The following GPR146 variants were observed in gnomAD, a reference collection of about 807,000 sequenced individuals.
GPR146 encodes G protein-coupled receptor 146, also known as G-protein coupled receptor 146.
For synonymous variants in GPR146, 203 were observed against 104.3 expected, an observed-to-expected ratio of 1.95 and a Z score of -5.77; for missense variants, 381 against 213.9, an observed-to-expected ratio of 1.78 and a Z score of -4.87.
At chr7:1,054,435 C>T (rs1289391135) in intron 1 of GPR146, among the ~76,000 whole-genome samples, 1 of 152,246 alleles carries the variant, frequency 6.6e-6, no homozygotes, top group Non-Finnish European at 1.5e-5. Flanking sequence ...TGAACCCCAC[C>T]TGGAGGCCGG....
At chr7:1,057,390 G>T in intron 1 of GPR146, 102 bp from the exon 2 acceptor site, 1 of 604,866 alleles carries the variant, frequency 1.7e-6, no homozygotes. Context: ...GTGGTCTGCA[G>T]CGATTACTGC....
chr7:1,047,864 C>T (rs1370862991), intron 1 of GPR146, among the ~76,000 whole-genome samples: 1 of 152,202 alleles, frequency 6.6e-6, no homozygotes, highest in Non-Finnish European at 1.5e-5. Context: ...GGATCACTCG[C>T]CTTGGTGGAT....
chr7:1,052,109 T>G lies in GPR146; in HGVS notation c.-24-5383T>G, dbSNP rs931281706. Reference sequence around the variant, plus strand: ...CAGCTGAGGCCCAGGCAGGGCCAGCTCCTTCCACCTTCCCAGCCAAGATGC... The same window carrying G: ...CAGCTGAGGCCCAGGCAGGGCCAGCGCCTTCCACCTTCCCAGCCAAGATGC... On this transcript the variant is annotated intron_variant, in intron 1 of 1. Coordinates refer to ENST00000444847, the MANE Select transcript of GPR146 (RefSeq NM_001303473.2). The surrounding 1 kb of genome is among the most constrained non-coding windows in gnomAD (Gnocchi z 4.2). Among the ~76,000 whole-genome samples the G allele has an allele frequency of 6.6e-6, 1 of 152,234 alleles. No homozygotes were observed. Among genetic ancestry groups the G allele is most frequent in the Non-Finnish European group, 1.5e-5 (1 of 68,042 alleles).
chr7:1,058,768 C>T lies in GPR146; in HGVS notation c.*251C>T, dbSNP rs1047302. 0.26 allele frequency: 136,908 copies of T among 520,152 alleles called. 19,050 individuals are homozygous for T. The highest frequency in any genetic ancestry group is 0.29 in the African/African-American group (15,182 of 52,634). 32.2% of individuals were successfully genotyped at this position (520,152 alleles called of 1,614,324 possible). A position where few individuals can be genotyped will look rare whatever the true frequency, so the allele number is the denominator to read the frequency against. ...AAACACGCAGCTCAAGGTCCACATC[C>T]GCAAAAGCCTCCTCGCCTTCAGCCT... On this transcript the variant is annotated 3_prime_UTR_variant, in exon 2 of 2. Transcript: ENST00000444847.
intron 1 of GPR146, among the ~76,000 whole-genome samples, chr7:1,048,050 C>T (rs753121765): frequency 3.3e-5 from 5 of 151,906 alleles, no homozygotes; most frequent in Non-Finnish European, 7.4e-5. Context: ...CAAAGACTGG[C>T]GGAGGGGTGT....
At position 1,058,124 on chromosome 7, in the gene GPR146, C is replaced by A. The variant is rs961602958; in HGVS notation, c.609C>A (p.Thr203=). The A allele has an allele frequency of 1.3e-6, 1 of 755,256 alleles. No individual in the cohort carries two copies. Among genetic ancestry groups the A allele is most frequent in the Admixed American group, 1.7e-5 (1 of 57,472 alleles). The allele number at this position is 755,256 out of a possible 1,614,324, so 46.8% of individuals were successfully genotyped here. The change falls in exon 2 of 2, where the codon ACC becomes ACA. Residue 203 remains threonine, a synonymous_variant. Coordinates refer to ENST00000444847, the MANE Select transcript of GPR146 (RefSeq NM_001303473.2). ...FIGYVVPALA[T]LYALVLLSRV... Reference sequence around the variant, plus strand: ...GCTACGTGGTGCCAGCACTGGCCACCCTCTACGCGCTGGTGCTACTCTCCC... The same window carrying A: ...GCTACGTGGTGCCAGCACTGGCCACACTCTACGCGCTGGTGCTACTCTCCC...
chr7:1,059,032 G>A lies in GPR146; in HGVS notation c.*515G>A, dbSNP rs1178292755. ...GCCGGGTGTGCCGCAGTCACCACAG[G>A]GTTCTGAGAACATTTCACAGAAGTG... On this transcript the variant is annotated 3_prime_UTR_variant, in exon 2 of 2. Coordinates refer to ENST00000444847, the MANE Select transcript of GPR146 (RefSeq NM_001303473.2). The A allele has an allele frequency of 5.6e-6, 1 of 177,106 alleles. No homozygotes were observed. Among genetic ancestry groups the A allele is most frequent in the Non-Finnish European group, 1.4e-5 (1 of 73,408 alleles). The allele number at this position is 177,106 out of a possible 1,614,324, so 11.0% of individuals were successfully genotyped here. A position where few individuals can be genotyped will look rare whatever the true frequency, so the allele number is the denominator to read the frequency against.
intron 1 of GPR146, chr7:1,055,631 CTAAG>C (rs1207206792): frequency 3.5e-5 from 12 of 344,190 alleles, no homozygotes; most frequent in African/African-American, 6.4e-5. Flanking sequence ...GTGGACATCT[CTAAG>C]TAGGGAATGA....
intron 1 of GPR146, 76 bp from the exon 2 acceptor site, chr7:1,057,416 C>G (rs1003350507): frequency 3.2e-6 from 2 of 627,808 alleles, no homozygotes; most frequent in Non-Finnish European, 5.8e-6. Flanking sequence ...GAGAAGGCAC[C>G]CCTGTACCTG....
chr7:1,044,968 C>T lies in GPR146; in HGVS notation c.-25+310C>T, dbSNP rs1040164758. Among the ~76,000 whole-genome samples the T allele has an allele frequency of 2.0e-5, 3 of 152,260 alleles. No homozygotes were observed. In the East Asian group the frequency reaches 5.8e-4, roughly 29 times the overall value. On this transcript the variant is annotated intron_variant, in intron 1 of 1. Transcript: ENST00000444847. ...CGGCTCTCCCATGTCCGACAGGGCA[C>T]CACTGATCCTGCTCTCCTGGGCCAC...
At chr7:1,054,695 A>G (rs1783541408) in intron 1 of GPR146, among the ~76,000 whole-genome samples, 1 of 152,162 alleles carries the variant, frequency 6.6e-6, no homozygotes, top group Non-Finnish European at 1.5e-5. Context: ...GGCGGGCAAG[A>G]GGCTGGCCCC....
chr7:1,057,845 T>C lies in GPR146; in HGVS notation c.330T>C (p.Asn110=). Residue 110 remains asparagine, a synonymous_variant, in exon 2 of 2, where the codon AAT becomes AAC. Coordinates refer to ENST00000444847, the MANE Select transcript of GPR146 (RefSeq NM_001303473.2). ...EVHVALQIPF[N]VSSLVAMYST... ...ACGTGGCACTGCAGATCCCCTTCAA[T>C]GTGTCCTCACTGGTGGCCATGTACT... is the stretch of plus-strand genomic sequence containing the variant. The C allele has an allele frequency of 1.3e-6, 1 of 777,664 alleles. No homozygotes were observed. The highest frequency in any genetic ancestry group is 1.3e-5 in the South Asian group (1 of 74,626). The allele number at this position is 777,664 out of a possible 1,614,324, so 48.2% of individuals were successfully genotyped here. A position where few individuals can be genotyped will look rare whatever the true frequency, so the allele number is the denominator to read the frequency against.
chr7:1,054,245 G>A (rs952853901), intron 1 of GPR146, among the ~76,000 whole-genome samples: 12 of 152,224 alleles, frequency 7.9e-5, no homozygotes, highest in African/African-American at 1.4e-4. Context: ...TCCAACCGGC[G>A]GAGAGTGAAG....
rs914818826 is a variant in GPR146, at chr7:1,059,172, G to A, written c.*655G>A. The stretch of plus-strand genomic sequence containing the variant: ...TCCCCAGCCCCCACAGATAACATCA[G>A]CTGAGGTTTTTTTCAGTATGAACCT... On this transcript the variant is annotated 3_prime_UTR_variant, in exon 2 of 2. Transcript: ENST00000444847. 1 of 168,024 alleles carries A rather than the reference G, an allele frequency of 6.0e-6. No homozygotes were observed. Among genetic ancestry groups the A allele is most frequent in the Non-Finnish European group, 1.5e-5 (1 of 68,880 alleles). 10.4% of individuals were successfully genotyped at this position (168,024 alleles called of 1,614,324 possible).
chr7:1,057,876 G>T lies in GPR146; in HGVS notation c.361G>T (p.Ala121Ser). ...CTCACTGGTGGCCATGTACTCCACC[G>T]CCCTGCTGAGCCTCGACCACTACAT... is the stretch of plus-strand genomic sequence containing the variant. ...VSSLVAMYST[A>S]LLSLDHYIER... The change falls in exon 2 of 2, where the codon GCC (alanine) becomes TCC (serine). Residue 121 changes from alanine to serine, a missense_variant. Coordinates refer to ENST00000444847, the MANE Select transcript of GPR146 (RefSeq NM_001303473.2). 1.3e-6 allele frequency: 1 copy of T among 777,096 alleles called. No individual in the cohort carries two copies. The allele number at this position is 777,096 out of a possible 1,614,324, so 48.1% of individuals were successfully genotyped here.
At chr7:1,051,901 C>T (rs1347088384) in intron 1 of GPR146, among the ~76,000 whole-genome samples, 3 of 152,170 alleles carry the variant, frequency 2.0e-5, no homozygotes, top group Admixed American at 6.5e-5. Context: ...TCGCTTGAGC[C>T]CAGGAGGCAG....
chr7:1,048,371 G>T (rs1782778085), intron 1 of GPR146, among the ~76,000 whole-genome samples: 1 of 152,106 alleles, frequency 6.6e-6, no homozygotes, highest in South Asian at 2.1e-4. Context: ...TGGAGCAGAG[G>T]ATTCCTCTGC....
rs576781462 is a variant in GPR146, at chr7:1,055,679, C to T, written c.-24-1813C>T. Among the ~76,000 whole-genome samples, 37 of 152,290 alleles carry T rather than the reference C, an allele frequency of 2.4e-4. No individual in the cohort carries two copies. In the South Asian group the frequency reaches 6.4e-3, roughly 26 times the overall value. ...CGAGACAGAGCACACTGAGGGGTCC[C>T]GGCCCTTGGCAAGCTCTGTGGGGTG... On this transcript the variant is annotated intron_variant, in intron 1 of 1. Coordinates refer to ENST00000444847, the MANE Select transcript of GPR146 (RefSeq NM_001303473.2).
chr7:1,045,136 G>T (rs1019853836), intron 1 of GPR146, among the ~76,000 whole-genome samples: 3 of 152,214 alleles, frequency 2.0e-5, no homozygotes, highest in African/African-American at 7.2e-5. Context: ...AGCTTCACTG[G>T]AAGGCAGTGC....
Sources: allele counts gnomAD v4.1 joint callset (sites outside exome capture counted in the v4.1 genomes callset), GRCh38; gene constraint gnomAD v4.1.1; non-coding constraint Gnocchi (gnomAD v3.1); transcripts MANE v1.5; gene names NCBI Gene and HGNC (gene_info 2026-07-23, HGNC 2026-07-21).